The following PHLPP1 variants were observed in gnomAD, a reference collection of about 807,000 sequenced individuals.
PHLPP1 encodes the protein PH domain and leucine rich repeat protein phosphatase 1, also known as PH domain leucine-rich repeat-containing protein phosphatase 1.
A neutral mutation model predicts 117.2 loss-of-function variants in PHLPP1; 42 were observed. The ratio of observed to expected loss-of-function variants is 0.36; its 90% CI spans 0.28 to 0.46. The LOEUF (loss-of-function observed/expected upper bound fraction) is 0.46. Among genes scored for constraint, PHLPP1 ranks in the 20% least tolerant of loss-of-function variants. PHLPP1 has a pLI of 1.00. For missense variants in PHLPP1, 2,084 were observed against 2,241.9 expected, an observed-to-expected ratio of 0.93 and a Z score of 1.42; for synonymous variants, 1,042 against 970.7, an observed-to-expected ratio of 1.07 and a Z score of -1.37.
rs1568179705 is a variant in PHLPP1, at chr18:62,975,697, G to A, written c.3984+72G>A. ...GGAGACCAGGTCATAGCAGAAACTA[G>A]CTAGGGAGCATTTGCCTTCAAAGAA... On this transcript the variant is annotated intron_variant, in intron 16 of 16. Transcript: ENST00000262719. 4 of 974,414 alleles carry A rather than the reference G, an allele frequency of 4.1e-6. No individual in the cohort carries two copies. In the East Asian group the frequency reaches 9.7e-5, roughly 24 times the overall value. The allele number at this position is 974,414 out of a possible 1,614,324, so 60.4% of individuals were successfully genotyped here.
At chr18:62,757,781 G>C (rs557390010) in intron 1 of PHLPP1, among the ~76,000 whole-genome samples, 4 of 152,302 alleles carry the variant, frequency 2.6e-5, no homozygotes, top group Middle Eastern at 6.8e-3. Context: ...CAGTTTTGCA[G>C]CTCTTTTTGC....
chr18:62,719,828 A>G (rs1279915329), intron 1 of PHLPP1, among the ~76,000 whole-genome samples: 2 of 152,124 alleles, frequency 1.3e-5, no homozygotes, highest in Non-Finnish European at 2.9e-5. Flanking sequence ...GCTCTCTTGA[A>G]GATCACCTTT....
Position 62,763,631 on chromosome 18 carries a change from C to CT in PHLPP1, c.1576+46378dup, listed in dbSNP as rs1433840067. ...CAGATCTTACTCTTTCTCAGTCCCT[C>CT]TTTTTTAGTTTTCTCACTGTCAGAG... On this transcript the variant is annotated intron_variant, in intron 1 of 16. Coordinates refer to ENST00000262719, the MANE Select transcript of PHLPP1 (RefSeq NM_194449.4). Among the ~76,000 whole-genome samples, 3 of 152,294 alleles carry CT rather than the reference C, an allele frequency of 2.0e-5. No individual in the cohort carries two copies. In the East Asian group the frequency reaches 5.8e-4, roughly 29 times the overall value.
At chr18:62,917,766 A>G (rs1909337285) in intron 9 of PHLPP1, among the ~76,000 whole-genome samples, 1 of 151,780 alleles carries the variant, frequency 6.6e-6, no homozygotes, top group South Asian at 2.1e-4. Context: ...GTGACCTATG[A>G]TTGCATCACT....
At chr18:62,759,199 G>C (rs1220759262) in intron 1 of PHLPP1, among the ~76,000 whole-genome samples, 2 of 152,108 alleles carry the variant, frequency 1.3e-5, no homozygotes, top group African/African-American at 4.8e-5. Context: ...GTATCAGATG[G>C]CCCTGTCATT....
chr18:62,921,410 C>T (rs1046719670), intron 10 of PHLPP1, among the ~76,000 whole-genome samples: 1 of 152,200 alleles, frequency 6.6e-6, no homozygotes. Flanking sequence ...TGGCCGTCTG[C>T]GATCTCTGTC....
chr18:62,936,713 C>G (rs1909979284), intron 10 of PHLPP1, among the ~76,000 whole-genome samples: 1 of 152,216 alleles, frequency 6.6e-6, no homozygotes, highest in South Asian at 2.1e-4. Flanking sequence ...AACATAAAAC[C>G]TAAATTGAGA....
At chr18:62,956,487 C>G (rs573025690) in intron 12 of PHLPP1, among the ~76,000 whole-genome samples, 2 of 152,220 alleles carry the variant, frequency 1.3e-5, no homozygotes, top group East Asian at 3.9e-4. Flanking sequence ...GACAAACATT[C>G]AGACCATAGC....
At position 62,742,283 on chromosome 18, in the gene PHLPP1, TG is replaced by T. The variant is rs1451304228; in HGVS notation, c.1576+25025del. Among the ~76,000 whole-genome samples, 3 of 152,212 alleles carry T rather than the reference TG, an allele frequency of 2.0e-5. No homozygotes were observed. The East Asian group carries it at 5.8e-4, about 29-fold the overall frequency. On this transcript the variant is annotated intron_variant, in intron 1 of 16. Coordinates refer to ENST00000262719, the MANE Select transcript of PHLPP1 (RefSeq NM_194449.4). ...ACTTTTTCTGTTCTTCCTATGTACA[TG>T]ACTTTCTTCATCTTTTAGCCACCTA... is the stretch of plus-strand genomic sequence containing the variant.
Position 62,830,155 on chromosome 18 carries a change from G to C in PHLPP1, c.1697G>C (p.Gly566Ala). The change falls in exon 2 of 17, where the codon GGG (glycine) becomes GCG (alanine). Residue 566 changes from glycine to alanine, a missense_variant. Transcript: ENST00000262719. The stretch of plus-strand genomic sequence containing the variant: ...ACAAGACGCCAAGTCATCCTATGTG[G>C]GACCTGCCTGATAGTATCATCTGTG... Reference protein sequence around the residue: ...RWTRRQVILCGTCLIVSSVKD... With the variant: ...RWTRRQVILCATCLIVSSVKD... 6.2e-7 allele frequency: 1 copy of C among 1,602,112 alleles called. No homozygotes were observed. Among genetic ancestry groups the C allele is most frequent in the Non-Finnish European group, 8.5e-7 (1 of 1,174,002 alleles).
At chr18:62,736,998 C>G (rs1911387203) in intron 1 of PHLPP1, among the ~76,000 whole-genome samples, 1 of 152,006 alleles carries the variant, frequency 6.6e-6, no homozygotes, top group Non-Finnish European at 1.5e-5. Context: ...GGATGTATGT[C>G]TTTTGAATGT....
At chr18:62,798,751 G>T (rs768170827) in intron 1 of PHLPP1, among the ~76,000 whole-genome samples, 29 of 151,858 alleles carry the variant, frequency 1.9e-4, no homozygotes, top group Non-Finnish European at 3.7e-4. Flanking sequence ...GAGCTGTCTG[G>T]GTGGTCACTG....
chr18:62,888,287 A>ATGTGTGTG (rs200659921), intron 4 of PHLPP1, among the ~76,000 whole-genome samples: 178 of 130,892 alleles, frequency 1.4e-3, no homozygotes, highest in East Asian at 2.9e-3. Context: ...ATTTCACAAA[A>ATGTGTGTG]TGTGTGTGTG....
At chr18:62,830,535 T>G (rs1211949853) in intron 2 of PHLPP1, among the ~76,000 whole-genome samples, 1 of 152,102 alleles carries the variant, frequency 6.6e-6, no homozygotes, top group African/African-American at 2.4e-5. Flanking sequence ...GGCCGAAAAG[T>G]AAGTTTAAAA....
chr18:62,761,198 G>A (rs187329423), intron 1 of PHLPP1, among the ~76,000 whole-genome samples: 12 of 152,242 alleles, frequency 7.9e-5, no homozygotes, highest in African/African-American at 2.9e-4. Flanking sequence ...TGCTGCATAT[G>A]TGCAGACTCT....
chr18:62,867,761 A>G (rs1263689039), intron 4 of PHLPP1, among the ~76,000 whole-genome samples: 1 of 152,044 alleles, frequency 6.6e-6, no homozygotes, highest in Non-Finnish European at 1.5e-5. Context: ...GATGCATGCC[A>G]AGATTTAGGG....
chr18:62,838,760 G>A, intron 2 of PHLPP1, 24 bp from the exon 3 acceptor site: 1 of 1,598,298 alleles, frequency 6.3e-7, no homozygotes, highest in African/African-American at 1.5e-5. Flanking sequence ...ACTTGTTTCT[G>A]CTTCTCTCTG....
At chr18:62,841,187 C>T (rs540293150) in intron 3 of PHLPP1, among the ~76,000 whole-genome samples, 1 of 151,340 alleles carries the variant, frequency 6.6e-6, no homozygotes, top group South Asian at 2.1e-4. Context: ...TGCGCCTGGC[C>T]TTTATTTGGA....
At chr18:62,952,076 C>A (rs927476394) in intron 12 of PHLPP1, among the ~76,000 whole-genome samples, 5 of 151,982 alleles carry the variant, frequency 3.3e-5, no homozygotes, top group African/African-American at 4.8e-5. Context: ...CCTCGGCCTC[C>A]CAAAGTGCTG....
Sources: gnomAD v4.1 joint callset for allele counts (sites outside exome capture counted in the v4.1 genomes callset) on GRCh38, gnomAD v4.1.1 for gene constraint, MANE v1.5 for transcripts, NCBI Gene and HGNC (gene_info 2026-07-23, HGNC 2026-07-21) for gene names.